APLP2: variants seen among roughly 807,000 people sequenced by gnomAD.
APLP2 encodes amyloid beta precursor like protein 2, also known as CDEI box-binding protein.
APLP2 carries 53 observed loss-of-function variants against 89.9 expected under a neutral mutation model. That is an observed-to-expected ratio of 0.59 (90% CI 0.47 to 0.74). The LOEUF (loss-of-function observed/expected upper bound fraction) is 0.74, where lower values mean the gene tolerates loss of function less well. APLP2 is among the 30% of genes least tolerant of loss of function. The pLI is 0.00. For missense variants in APLP2, 973 were observed against 975.9 expected (o/e 1.00, Z 0.04); for synonymous variants, 372 against 348.6 (o/e 1.07, Z -0.75).
Position 130,141,931 on chromosome 11 carries a change from C to G in APLP2, c.2011C>G (p.Pro671Ala), listed in dbSNP as rs1242239031. 1.2e-6 allele frequency: 2 copies of G among 1,602,980 alleles called. No individual in the cohort carries two copies. Among genetic ancestry groups the G allele is most frequent in the Admixed American group, 1.7e-5 (1 of 59,676 alleles). The change falls in exon 16 of 17, where the codon CCA becomes GCA. Residue 671 changes from proline to alanine, a missense_variant. Physicochemically the swap from Pro to Ala is conservative, Grantham distance 27. Coordinates refer to ENST00000338167, the MANE Select transcript of APLP2 (RefSeq NM_001142276.2). The surrounding 1 kb of genome is among the most constrained non-coding windows in gnomAD (Gnocchi z 4.2). ...CTTTATTACGTAGGAATCCGTGGGC[C>G]CACTGCGGGAGGACTTCAGTCTGAG... is the stretch of plus-strand genomic sequence containing the variant. ...GLEEERESVGPLREDFSLSSS... is the reference protein window; with the variant it reads ...GLEEERESVGALREDFSLSSS...
At chr11:130,112,815 C>T (rs1312567969) in intron 3 of APLP2, among the ~76,000 whole-genome samples, 1 of 152,162 alleles carries the variant, frequency 6.6e-6, no homozygotes, top group Non-Finnish European at 1.5e-5. Flanking sequence ...CTTCAAAACT[C>T]CATGATCTGG....
chr11:130,134,319 G>C (rs1480621119), intron 12 of APLP2, among the ~76,000 whole-genome samples: 2 of 152,198 alleles, frequency 1.3e-5, no homozygotes, highest in Non-Finnish European at 1.5e-5. Flanking sequence ...GCTGCCTCTG[G>C]GGACGGTGGC....
chr11:130,122,039 A>AT (rs1949885450), intron 5 of APLP2, among the ~76,000 whole-genome samples: 1 of 152,104 alleles, frequency 6.6e-6, no homozygotes, highest in Non-Finnish European at 1.5e-5. Flanking sequence ...TTACTATGAT[A>AT]TTTTTTAAGA....
intron 1 of APLP2, among the ~76,000 whole-genome samples, chr11:130,083,021 CTTTTCTTTTTTTTTTTTTT>C (rs1410557046): frequency 1.2e-3 from 99 of 79,976 alleles, no homozygotes; most frequent in African/African-American, 4.8e-3. Context: ...TGAAACTTTT[CTTTTCTTTTTTTTTTTTTT>C]TTTTTTTTTT....
intron 3 of APLP2, among the ~76,000 whole-genome samples, chr11:130,120,235 C>T (rs117012456): frequency 0.019 from 2,865 of 152,192 alleles, 54 homozygotes; most frequent in Non-Finnish European, 0.024. Flanking sequence ...TGTAATTAAT[C>T]ATTGATTATT....
intron 1 of APLP2, among the ~76,000 whole-genome samples, chr11:130,075,983 G>A (rs1483599486): frequency 6.6e-6 from 1 of 152,132 alleles, no homozygotes; most frequent in Non-Finnish European, 1.5e-5. Context: ...GTAATTACAG[G>A]GGACTTTGAT....
At chr11:130,085,917 T>G (rs1944040567) in intron 1 of APLP2, among the ~76,000 whole-genome samples, 1 of 152,248 alleles carries the variant, frequency 6.6e-6, no homozygotes, top group African/African-American at 2.4e-5. Context: ...ATTGTGCATA[T>G]ATACCACATT....
rs370383837 is a variant in APLP2 at position 130,135,615 on chromosome 11, C to G, written c.1737C>G (p.Ile579Met). 6.2e-7 allele frequency: 1 copy of G among 1,614,198 alleles called. No individual in the cohort carries two copies. The highest frequency in any genetic ancestry group is 1.7e-5 in the Admixed American group (1 of 60,022). ...RADMDQFTAS[I>M]SETPVDVRVS... ...ATATGGACCAGTTCACTGCCTCAAT[C>G]TCAGAGACCCCTGTGGACGTCCGGG... Residue 579 changes from isoleucine (I) to methionine (M), a missense_variant, in exon 13 of 17, where the codon ATC (isoleucine) becomes ATG (methionine). Coordinates refer to ENST00000338167, the MANE Select transcript of APLP2 (RefSeq NM_001142276.2).
chr11:130,135,793 A>G (rs1951506328), intron 13 of APLP2, 78 bp downstream of exon 13: 2 of 1,553,288 alleles, frequency 1.3e-6, no homozygotes, highest in African/African-American at 2.7e-5. Context: ...TTTTTCGAAA[A>G]CCAAATTGAG....
intron 1 of APLP2, among the ~76,000 whole-genome samples, chr11:130,108,321 G>T (rs1405581143): frequency 6.6e-6 from 1 of 152,140 alleles, no homozygotes; most frequent in Non-Finnish European, 1.5e-5. Context: ...CTGACAAAGG[G>T]CTAATATCCA....
At chr11:130,087,964 A>G (rs1434392183) in intron 1 of APLP2, among the ~76,000 whole-genome samples, 2 of 152,256 alleles carry the variant, frequency 1.3e-5, no homozygotes, top group Admixed American at 1.3e-4. Context: ...TTAAAATCAG[A>G]TTAAAATATT....
intron 4 of APLP2, 34 bp from the exon 5 acceptor site, chr11:130,121,580 G>T (rs1474204654): frequency 6.3e-7 from 1 of 1,583,810 alleles, no homozygotes; most frequent in Non-Finnish European, 8.6e-7. Flanking sequence ...TTACTCTGGA[G>T]TATGTTCTGA....
intron 1 of APLP2, among the ~76,000 whole-genome samples, chr11:130,087,012 A>G (rs1386185235): frequency 4.6e-5 from 7 of 152,208 alleles, no homozygotes; most frequent in African/African-American, 1.7e-4. Flanking sequence ...TTGGGCTATT[A>G]AGTATTGCAT....
At chr11:130,111,617 CA>C (rs1203077771) in intron 3 of APLP2, among the ~76,000 whole-genome samples, 8 of 152,170 alleles carry the variant, frequency 5.3e-5, no homozygotes, top group Non-Finnish European at 8.8e-5. Context: ...CCCTGAACAA[CA>C]GTGTTTAAAA....
chr11:130,076,722 G>A (rs1044107179), intron 1 of APLP2, among the ~76,000 whole-genome samples: 21 of 152,144 alleles, frequency 1.4e-4, no homozygotes, highest in Admixed American at 1.2e-3. Flanking sequence ...TTAACTCCAG[G>A]GGACATGCTC....
intron 1 of APLP2, among the ~76,000 whole-genome samples, chr11:130,095,213 G>A (rs1379994533): frequency 6.6e-6 from 1 of 152,032 alleles, no homozygotes; most frequent in Admixed American, 6.6e-5. Context: ...CTACAAAAAA[G>A]TAATGAAAAT....
intron 13 of APLP2, among the ~76,000 whole-genome samples, chr11:130,140,151 C>T (rs767711084): frequency 3.3e-5 from 5 of 152,154 alleles, no homozygotes; most frequent in Non-Finnish European, 5.9e-5. Context: ...TTCATTTTCC[C>T]AAGTTGGAGA....
chr11:130,121,106 C>T (rs746807065), intron 4 of APLP2, among the ~76,000 whole-genome samples: 11 of 152,210 alleles, frequency 7.2e-5, no homozygotes, highest in Non-Finnish European at 1.0e-4. Context: ...ACCATCCTAA[C>T]CCTAAGGCCG....
At chr11:130,083,777 C>A (rs1430636365) in intron 1 of APLP2, among the ~76,000 whole-genome samples, 3 of 152,092 alleles carry the variant, frequency 2.0e-5, no homozygotes, top group Admixed American at 1.3e-4. Flanking sequence ...GTCAGTAATT[C>A]TGCAGTGAAC....
Sources: allele counts gnomAD v4.1 joint callset (sites outside exome capture counted in the v4.1 genomes callset), GRCh38; gene constraint gnomAD v4.1.1; non-coding constraint Gnocchi (gnomAD v3.1); transcripts MANE v1.5; gene names NCBI Gene and HGNC (gene_info 2026-07-23, HGNC 2026-07-21).